The following CSMD1 variants were observed in gnomAD, a reference collection of about 807,000 sequenced individuals.
CSMD1 encodes CUB and Sushi multiple domains 1.
CSMD1 carries 213 observed loss-of-function variants against 417.5 expected under a neutral mutation model. That is an observed-to-expected ratio of 0.51 (90% confidence interval 0.46 to 0.57). The LOEUF is 0.57. CSMD1 is among the 20% of genes least tolerant of loss of function. The pLI is 0.00. For missense variants in CSMD1, 6,923 were observed against 4,529.7 expected, an observed-to-expected ratio of 1.53 and a Z score of -15.17; for synonymous variants, 2,862 against 1,736.8, an observed-to-expected ratio of 1.65 and a Z score of -16.11.
Position 3,896,312 on chromosome 8 carries a change from G to C in CSMD1, c.818+101591C>G, listed in dbSNP as rs144838293. 2.0e-3 allele frequency among the ~76,000 whole-genome samples: 301 copies of C among 152,170 alleles called. 4 individuals carry two copies. The highest frequency in any genetic ancestry group is 6.8e-3 in the African/African-American group (282 of 41,496). On this transcript the variant is annotated intron_variant, in intron 5 of 69. Coordinates refer to ENST00000635120, the MANE Select transcript of CSMD1 (RefSeq NM_033225.6). ...ATCGCCTTGGGAAAAATGCATAAAT[G>C]TATTTCCAGATTTCCATATACTCAC... is the stretch of plus-strand genomic sequence containing the variant.
intron 3 of CSMD1, among the ~76,000 whole-genome samples, chr8:4,166,187 T>C (rs986402701): frequency 1.3e-5 from 2 of 152,144 alleles, no homozygotes; most frequent in Non-Finnish European, 2.9e-5. Flanking sequence ...GAAAAGCAAA[T>C]GCAAAATAGT....
intron 2 of CSMD1, among the ~76,000 whole-genome samples, chr8:4,531,188 T>C (rs550987439): frequency 3.9e-5 from 6 of 152,194 alleles, no homozygotes; most frequent in Non-Finnish European, 5.9e-5. Context: ...TATATCGCCA[T>C]GTAATCAGTG....
chr8:3,691,797 A>G (rs545829205), intron 7 of CSMD1, among the ~76,000 whole-genome samples: 11 of 152,308 alleles, frequency 7.2e-5, no homozygotes, highest in Admixed American at 3.9e-4. Context: ...TGGTTTAAAA[A>G]AAAGAGGCAG....
At chr8:4,637,021 G>T (rs563264338) in intron 2 of CSMD1, among the ~76,000 whole-genome samples, 1 of 152,152 alleles carries the variant, frequency 6.6e-6, no homozygotes, top group Non-Finnish European at 1.5e-5. Flanking sequence ...ATTCCTATAG[G>T]ACAGAAATGG....
At chr8:3,627,797 CTTGT>C (rs1160214902) in intron 7 of CSMD1, among the ~76,000 whole-genome samples, 2 of 152,174 alleles carry the variant, frequency 1.3e-5, no homozygotes, top group Non-Finnish European at 2.9e-5. Context: ...GCCAGCACAT[CTTGT>C]TTATTTAGCT....
intron 1 of CSMD1, among the ~76,000 whole-genome samples, chr8:4,802,912 C>T (rs1798383259): frequency 6.6e-6 from 1 of 152,062 alleles, no homozygotes; most frequent in Non-Finnish European, 1.5e-5. Flanking sequence ...TGACATTAAC[C>T]ACTGGAGAGA....
At chr8:4,308,533 G>C (rs188654721) in intron 3 of CSMD1, among the ~76,000 whole-genome samples, 1 of 152,328 alleles carries the variant, frequency 6.6e-6, no homozygotes, top group African/African-American at 2.4e-5. Context: ...GCTGTGTTTA[G>C]CAGAGTTGGA....
intron 41 of CSMD1, among the ~76,000 whole-genome samples, chr8:3,129,380 T>C (rs983274119): frequency 1.3e-5 from 2 of 152,226 alleles, no homozygotes; most frequent in Admixed American, 6.5e-5. Flanking sequence ...TGTTTATTTA[T>C]AGACCATTAT....
chr8:4,752,052 T>C (rs190574410), intron 1 of CSMD1, among the ~76,000 whole-genome samples: 2 of 151,776 alleles, frequency 1.3e-5, no homozygotes, highest in Admixed American at 1.3e-4. Context: ...ACTGTGTATA[T>C]ATTAATACAA....
chr8:3,641,095 C>G (rs1797284878), intron 7 of CSMD1, among the ~76,000 whole-genome samples: 1 of 139,748 alleles, frequency 7.2e-6, no homozygotes, highest in Non-Finnish European at 1.5e-5. Context: ...TCTGAGAAAG[C>G]CTTAAGAAAG....
intron 1 of CSMD1, among the ~76,000 whole-genome samples, chr8:4,878,407 A>C (rs568465526): frequency 6.6e-6 from 1 of 152,142 alleles, no homozygotes; most frequent in South Asian, 2.1e-4. Flanking sequence ...CATTTTGTAG[A>C]AAGTATTAGT....
chr8:3,842,933 C>T (rs1244870248), intron 5 of CSMD1, among the ~76,000 whole-genome samples: 1 of 152,076 alleles, frequency 6.6e-6, no homozygotes, highest in African/African-American at 2.4e-5. Flanking sequence ...GAAGATGTTC[C>T]TAGAATTGAA....
chr8:3,106,797 C>G (rs369302461), intron 45 of CSMD1, 156 bp from the exon 46 acceptor site: 1 of 501,218 alleles, frequency 2.0e-6, no homozygotes, highest in Non-Finnish European at 3.6e-6. Flanking sequence ...AAAAATAATA[C>G]CGTTTTAAGT....
Position 3,142,655 on chromosome 8 carries a change from C to T in CSMD1, c.6051G>A (p.Leu2017=), listed in dbSNP as rs1375410135. 6.2e-7 allele frequency: 1 copy of T among 1,613,482 alleles called. No homozygotes were observed. The highest frequency in any genetic ancestry group is 8.5e-7 in the Non-Finnish European group (1 of 1,179,470). The change falls in exon 41 of 70, where the codon CTG becomes CTA. Residue 2017 remains leucine (L), a synonymous_variant. Transcript: ENST00000635120. ...CATGATTAGCTTCGGTAGAAAAATT[C>T]AGAAACTGAATATGTGCACCTATGG... ...PIGYGAHIQF[L]NFSTEANHDF... is the part of the protein sequence containing the mutation.
rs192323664 is a variant in CSMD1 at position 3,633,121 on chromosome 8, C to A, written c.1010-16324G>T. On this transcript the variant is annotated intron_variant, in intron 7 of 69. Coordinates refer to ENST00000635120, the MANE Select transcript of CSMD1 (RefSeq NM_033225.6). The stretch of plus-strand genomic sequence containing the variant: ...CGTCATTGTTTTAACATTTATTTCT[C>A]TAACTTTATGTTACCAAGAATTTAT... 2.0e-4 allele frequency among the ~76,000 whole-genome samples: 30 copies of A among 152,280 alleles called. No individual in the cohort carries two copies. In the East Asian group the frequency reaches 5.2e-3, roughly 26 times the overall value.
At chr8:3,092,048 G>C (rs1352953271) in intron 47 of CSMD1, among the ~76,000 whole-genome samples, 1 of 152,076 alleles carries the variant, frequency 6.6e-6, no homozygotes, top group Admixed American at 6.5e-5. Flanking sequence ...TCACTTTGGA[G>C]GGCTGTTTGG....
chr8:4,877,992 C>G (rs538363026), intron 1 of CSMD1, among the ~76,000 whole-genome samples: 2 of 152,058 alleles, frequency 1.3e-5, no homozygotes, highest in South Asian at 2.1e-4. Flanking sequence ...CACCCATGAC[C>G]CTGTTCAGAA....
At position 3,493,641 on chromosome 8, in the gene CSMD1, G is replaced by C. The variant is rs186109378; in HGVS notation, c.1430C>G (p.Thr477Ser). The part of the protein sequence containing the change: ...TVGDAGKVGD[T>S]RSVLYVLTGS... ...TACTCACACGTACAAGACCGATCTG[G>C]TGTCTCCCACCTTCCCAGCATCACC... The change falls in exon 11 of 70, where the codon ACC (threonine) becomes AGC (serine). Residue 477 changes from threonine to serine, a missense_variant. Physicochemically the swap from Thr to Ser is moderately conservative, Grantham distance 58. Transcript: ENST00000635120. 152 of 1,610,892 alleles carry C rather than the reference G, an allele frequency of 9.4e-5. 1 individual carries two copies. In the African/African-American group the frequency reaches 1.6e-3, roughly 17 times the overall value.
chr8:4,173,571 T>C (rs542110617), intron 3 of CSMD1, among the ~76,000 whole-genome samples: 2 of 152,212 alleles, frequency 1.3e-5, no homozygotes, highest in African/African-American at 2.4e-5. Context: ...TATCAAATGA[T>C]GTAACAATAT....
Sources: allele counts gnomAD v4.1 joint callset (sites outside exome capture counted in the v4.1 genomes callset), GRCh38; gene constraint gnomAD v4.1.1; transcripts MANE v1.5; gene names NCBI Gene and HGNC (gene_info 2026-07-23, HGNC 2026-07-21).